The following FGF12 variants were observed in gnomAD, a reference collection of about 807,000 sequenced individuals.
The protein encoded by FGF12 is fibroblast growth factor 12B.
Under a neutral mutation model 23.6 loss-of-function variants are expected in FGF12, and 14 were observed. The observed-to-expected ratio is 0.59, with a 90% confidence interval of 0.39 to 0.93. The LOEUF (loss-of-function observed/expected upper bound fraction) is 0.93, where lower values mean the gene tolerates loss of function less well. FGF12 is among the 40% of genes least tolerant of loss of function. The pLI is 0.00. For synonymous variants in FGF12, 62 were observed against 77.3 expected (o/e 0.80, Z 1.04); for missense variants, 175 against 217.8 (o/e 0.80, Z 1.24).
chr3:192,439,491 A>G (rs759618942), intron 2 of FGF12, among the ~76,000 whole-genome samples: 3 of 152,208 alleles, frequency 2.0e-5, no homozygotes, highest in Non-Finnish European at 4.4e-5. Flanking sequence ...TCAATCATTC[A>G]ACAAATACTT....
At chr3:192,167,772 A>ATATATTTTTT (rs1715302128) in intron 5 of FGF12, among the ~76,000 whole-genome samples, 3 of 15,396 alleles carry the variant, frequency 1.9e-4, no homozygotes, top group Non-Finnish European at 3.7e-4. Context: ...TATATATAAA[A>ATATATTTTTT]TTTTTTTTTT....
At chr3:192,197,460 G>A (rs952708873) in intron 4 of FGF12, among the ~76,000 whole-genome samples, 1 of 152,036 alleles carries the variant, frequency 6.6e-6, no homozygotes, top group African/African-American at 2.4e-5. Flanking sequence ...CTCCTTTTTT[G>A]TCTAGCTTTT....
intron 4 of FGF12, among the ~76,000 whole-genome samples, chr3:192,175,354 T>A: frequency 6.6e-6 from 1 of 152,168 alleles, no homozygotes; most frequent in East Asian, 1.9e-4. Context: ...TCCTATAGTC[T>A]TGAGCCCTCA....
intron 2 of FGF12, among the ~76,000 whole-genome samples, chr3:192,715,311 T>C (rs1718833271): frequency 1.3e-5 from 2 of 152,186 alleles, no homozygotes; most frequent in South Asian, 2.1e-4. Context: ...AACCCTTACA[T>C]GGTTCATGAG....
At chr3:192,550,739 T>C (rs376629954) in intron 2 of FGF12, among the ~76,000 whole-genome samples, 2 of 152,138 alleles carry the variant, frequency 1.3e-5, no homozygotes, top group Non-Finnish European at 2.9e-5. Context: ...GGAAAATTTC[T>C]GATACATAAC....
At chr3:192,377,981 C>A (rs957536337) in intron 2 of FGF12, among the ~76,000 whole-genome samples, 2 of 142,052 alleles carry the variant, frequency 1.4e-5, no homozygotes, top group Admixed American at 1.4e-4. Flanking sequence ...TCTGGTATTA[C>A]GCATTGATCA....
intron 2 of FGF12, among the ~76,000 whole-genome samples, chr3:192,369,432 G>A (rs1719125700): frequency 6.6e-6 from 1 of 152,162 alleles, no homozygotes; most frequent in Non-Finnish European, 1.5e-5. Context: ...AACAGGAATC[G>A]AATGACCTTG....
chr3:192,723,710 A>G (rs994783254), intron 2 of FGF12, among the ~76,000 whole-genome samples: 2 of 151,960 alleles, frequency 1.3e-5, no homozygotes, highest in Non-Finnish European at 2.9e-5. Context: ...AACTCACATT[A>G]TTAGGGGTAT....
intron 2 of FGF12, among the ~76,000 whole-genome samples, chr3:192,525,044 G>C (rs775047336): frequency 1.3e-5 from 2 of 151,768 alleles, no homozygotes; most frequent in African/African-American, 2.4e-5. Flanking sequence ...TTTTTCTCTC[G>C]GTTTTCCTTC....
In FGF12 at chr3:192,344,849, T is replaced by G. The variant is rs201498410; in HGVS notation, c.125-9385A>C. Among the ~76,000 whole-genome samples, 10 of 152,280 alleles carry G rather than the reference T, an allele frequency of 6.6e-5. No homozygotes were observed. The East Asian group carries it at 1.9e-3, about 29-fold the overall frequency. On this transcript the variant is annotated intron_variant, in intron 3 of 5. Transcript: ENST00000445105. ...CAATTAAACGTGATTATTTTTTCATTAAGATGAAAAATGAGGCATATCACT... is the reference window on the plus strand; with the variant it reads ...CAATTAAACGTGATTATTTTTTCATGAAGATGAAAAATGAGGCATATCACT...
intron 2 of FGF12, among the ~76,000 whole-genome samples, chr3:192,478,134 C>T (rs1577007433): frequency 6.6e-6 from 1 of 152,120 alleles, no homozygotes. Flanking sequence ...AGTCTTTTGA[C>T]CTTTTTAAGC....
In FGF12 at chr3:192,160,437, C is replaced by T. The variant is rs1714803900; in HGVS notation, c.427+10021G>A. ...AATCTCTCAGCTTTGCCTGCAAAAA[C>T]CTTGTGCCACATCTTTGCATGGTTT... On this transcript the variant is annotated intron_variant, in intron 5 of 5. Coordinates refer to ENST00000445105, the MANE Select transcript of FGF12 (RefSeq NM_004113.6). 2.6e-5 allele frequency among the ~76,000 whole-genome samples: 4 copies of T among 152,142 alleles called. No homozygotes were observed. In the South Asian group the frequency reaches 8.3e-4, roughly 31 times the overall value.
At chr3:192,601,156 T>G (rs970108756) in intron 2 of FGF12, among the ~76,000 whole-genome samples, 3 of 152,014 alleles carry the variant, frequency 2.0e-5, no homozygotes, top group African/African-American at 4.8e-5. Flanking sequence ...GCAACATGGA[T>G]GGAAGTGGAG....
chr3:192,175,971 C>T (rs7643490), intron 4 of FGF12, among the ~76,000 whole-genome samples: 6,014 of 152,280 alleles, frequency 0.039, 203 homozygotes, highest in South Asian at 0.21. Context: ...CAGGAAAAGT[C>T]CTTTCCTCTC....
At chr3:192,727,132 G>C in intron 2 of FGF12, 49 bp downstream of exon 2, 1 of 1,563,102 alleles carries the variant, frequency 6.4e-7, no homozygotes, top group South Asian at 1.2e-5. Flanking sequence ...GATTGCCTTG[G>C]CCACACGCAC....
rs187525781 is a variant in FGF12, at chr3:192,471,489, C to A, written c.14-110951G>T. Among the ~76,000 whole-genome samples, 20 of 152,144 alleles carry A rather than the reference C, an allele frequency of 1.3e-4. No homozygotes were observed. In the East Asian group the frequency reaches 3.9e-3, roughly 29 times the overall value. ...GTAATGAGAAGAAATAAAACAATTA[C>A]ATTCATATACTTTTTAGAAAAGGGA... On this transcript the variant is annotated intron_variant, in intron 2 of 5. Coordinates refer to ENST00000445105, the MANE Select transcript of FGF12 (RefSeq NM_004113.6).
At chr3:192,191,263 G>C (rs549180420) in intron 4 of FGF12, among the ~76,000 whole-genome samples, 1 of 152,140 alleles carries the variant, frequency 6.6e-6, no homozygotes, top group East Asian at 1.9e-4. Context: ...AATTTTTAGG[G>C]CAGTGAAGCT....
At chr3:192,507,691 A>G (rs1487555198) in intron 2 of FGF12, among the ~76,000 whole-genome samples, 3 of 152,326 alleles carry the variant, frequency 2.0e-5, no homozygotes, top group African/African-American at 7.2e-5. Flanking sequence ...TGTGAACAGA[A>G]GACTGTCACC....
rs371895785 is a variant in FGF12, at chr3:192,684,244, A to G, written c.13+42937T>C. Reference sequence around the variant, plus strand: ...CCAAAGGTCACCACTGAGAGGGCACATGCTGTCCAAGCTGCCTGTGTTAAC... The same window carrying G: ...CCAAAGGTCACCACTGAGAGGGCACGTGCTGTCCAAGCTGCCTGTGTTAAC... On this transcript the variant is annotated intron_variant, in intron 2 of 5. Transcript: ENST00000445105. 1.3e-4 allele frequency among the ~76,000 whole-genome samples: 20 copies of G among 152,322 alleles called. No homozygotes were observed. The East Asian group carries it at 3.3e-3, about 25-fold the overall frequency.
Sources: gnomAD v4.1 joint callset for allele counts (sites outside exome capture counted in the v4.1 genomes callset) on GRCh38, gnomAD v4.1.1 for gene constraint, MANE v1.5 for transcripts, NCBI Gene and HGNC (gene_info 2026-07-23, HGNC 2026-07-21) for gene names.